The following CCDC125 variants were observed in gnomAD, a reference collection of about 807,000 sequenced individuals.
CCDC125 encodes coiled-coil domain containing 125.
CCDC125 carries 43 observed loss-of-function variants against 57.4 expected under a neutral mutation model. The ratio of observed to expected loss-of-function variants is 0.75; its 90% CI spans 0.59 to 0.97. The LOEUF is 0.97. Ranked by LOEUF, CCDC125 falls within the 50% of genes least tolerant of loss-of-function variation. The pLI is 0.00. For missense variants in CCDC125, 563 were observed against 595.7 expected (o/e 0.95, Z 0.57); for synonymous variants, 187 against 195.2 (o/e 0.96, Z 0.35).
chr5:69,282,804 G>T lies in CCDC125; in HGVS notation c.1461C>A (p.Ile487=), dbSNP rs1296541714. 6.2e-7 allele frequency: 1 copy of T among 1,613,652 alleles called. No homozygotes were observed. The highest frequency in any genetic ancestry group is 1.7e-5 in the Admixed American group (1 of 60,014). Residue 487 remains isoleucine (I), a synonymous_variant, in exon 12 of 12, where the codon ATC becomes ATA. Transcript: ENST00000396496. ...AGTTTGGATCTATTTGAGAGTGCTG[G>T]ATTGAACAAATGCAGCCCACAGAAT... The part of the protein sequence containing the change: ...ILNSVGCICS[I]QHSQIDPNYR...
In CCDC125 at chr5:69,315,989, TA is replaced by T. The variant is rs959227008; in HGVS notation, c.305-1944del. On this transcript the variant is annotated intron_variant, in intron 2 of 11. Coordinates refer to ENST00000396496, the MANE Select transcript of CCDC125 (RefSeq NM_176816.5). ...AAGTTATAAGCAAGAGTATAGGAAG[TA>T]AAAAAAAAATTTTATTGAGAAGAAT... Among the ~76,000 whole-genome samples the T allele has an allele frequency of 3.6e-4, 52 of 146,182 alleles. 1 individual carries two copies. In the East Asian group the frequency reaches 6.2e-3, roughly 17 times the overall value.
intron 8 of CCDC125, among the ~76,000 whole-genome samples, chr5:69,295,822 C>T (rs1755212736): frequency 6.6e-6 from 1 of 151,938 alleles, no homozygotes; most frequent in Non-Finnish European, 1.5e-5. Flanking sequence ...AAACATTGTC[C>T]ATACTTCCCT....
chr5:69,293,389 C>T (rs1028637392), intron 9 of CCDC125, among the ~76,000 whole-genome samples: 3 of 152,088 alleles, frequency 2.0e-5, no homozygotes, highest in Non-Finnish European at 4.4e-5. Context: ...CAGTGGCTCA[C>T]GCCTGTAATC....
chr5:69,283,509 C>T (rs532068301), intron 11 of CCDC125, among the ~76,000 whole-genome samples: 11 of 150,008 alleles, frequency 7.3e-5, no homozygotes, highest in Admixed American at 3.3e-4. Flanking sequence ...CGTGAGCCAC[C>T]GTGCCCGGCC....
chr5:69,318,943 CT>C (rs766942800), intron 2 of CCDC125, among the ~76,000 whole-genome samples: 1,686 of 142,706 alleles, frequency 0.012, 21 homozygotes, highest in African/African-American at 0.036. Flanking sequence ...GGTTTTTTTT[CT>C]TTTTTTTTTT....
rs1752655864 is a variant in CCDC125 at position 69,282,972 on chromosome 5, T to C, written c.1293A>G (p.Ala431=). Reference sequence around the variant, plus strand: ...TTGAAGCAGTGTCTTTGTCTTCCAATGCCCGAGCAAGCATGTAGCTAACTT... The same window carrying C: ...TTGAAGCAGTGTCTTTGTCTTCCAACGCCCGAGCAAGCATGTAGCTAACTT... ...QRKVSYMLAR[A]LEDKDTASNE... is the part of the protein sequence containing the mutation. The change falls in exon 12 of 12, where the codon GCA becomes GCG. Residue 431 remains alanine (A), a synonymous_variant. Transcript: ENST00000396496. The C allele has an allele frequency of 6.2e-7, 1 of 1,612,934 alleles. No individual in the cohort carries two copies. The highest frequency in any genetic ancestry group is 1.3e-5 in the African/African-American group (1 of 74,922).
rs368531261 is a variant in CCDC125, at chr5:69,310,534, G to T, written c.453+584C>A. 3.9e-4 allele frequency: 62 copies of T among 159,044 alleles called. No homozygotes were observed. The Middle Eastern group carries it at 0.015, about 38-fold the overall frequency. The allele number at this position is 159,044 out of a possible 1,614,324, so 9.9% of individuals were successfully genotyped here. A position where few individuals can be genotyped will look rare whatever the true frequency, so the allele number is the denominator to read the frequency against. ...CAATTAAACCTCTTTTTTTCCCCCA[G>T]TCTTGGGTATGTCTTTATCAGCAGC... On this transcript the variant is annotated intron_variant, in intron 4 of 11. Coordinates refer to ENST00000396496, the MANE Select transcript of CCDC125 (RefSeq NM_176816.5).
At position 69,292,321 on chromosome 5, in the gene CCDC125, C is replaced by T. The variant is rs777868952; in HGVS notation, c.966G>A (p.Met322Ile). The T allele has an allele frequency of 1.2e-6, 2 of 1,613,720 alleles. No individual in the cohort carries two copies. The highest frequency in any genetic ancestry group is 1.7e-6 in the Non-Finnish European group (2 of 1,179,922). Residue 322 changes from methionine to isoleucine, a missense_variant, in exon 10 of 12, where the codon ATG (methionine) becomes ATA (isoleucine). By Grantham distance (10) the Met-to-Ile change is conservative. Coordinates refer to ENST00000396496, the MANE Select transcript of CCDC125 (RefSeq NM_176816.5). Reference sequence around the variant, plus strand: ...CAAATGCAATTCTGAAAGCATCTGCCATCACGTAAGCTTCTTCTTTACTCT... The same window carrying T: ...CAAATGCAATTCTGAAAGCATCTGCTATCACGTAAGCTTCTTCTTTACTCT... ...LQKSKEEAYV[M>I]ADAFRIAFEQ...
chr5:69,300,130 A>G lies in CCDC125; in HGVS notation c.701-3T>C. On this transcript the variant is annotated splice_polypyrimidine_tract_variant and splice_region_variant and intron_variant, in intron 7 of 11. Transcript: ENST00000396496. ...CTCCAAATACCGTTGATTCAAAACT[A>G]GGAAGGGCCATATGAGAAAGTATTC... 1 of 1,604,284 alleles carries G rather than the reference A, an allele frequency of 6.2e-7. No individual in the cohort carries two copies. The highest frequency in any genetic ancestry group is 8.5e-7 in the Non-Finnish European group (1 of 1,171,050).
At chr5:69,322,568 A>T (rs2150625068) in intron 1 of CCDC125, among the ~76,000 whole-genome samples, 1 of 151,616 alleles carries the variant, frequency 6.6e-6, no homozygotes, top group South Asian at 2.1e-4. Flanking sequence ...TACAAAAAAA[A>T]AATTTTTTTT....
In CCDC125 at chr5:69,281,423, C is replaced by T. The variant is rs1485206307; in HGVS notation, c.*1306G>A. On this transcript the variant is annotated 3_prime_UTR_variant, in exon 12 of 12. Coordinates refer to ENST00000396496, the MANE Select transcript of CCDC125 (RefSeq NM_176816.5). ...TGGCTCAGGCAGCTTCTTCAGATTC[C>T]TGAGACCCCATTTCCTGGATCATCA... The T allele has an allele frequency of 6.6e-6, 1 of 152,186 alleles. No individual in the cohort carries two copies. The highest frequency in any genetic ancestry group is 1.5e-5 in the Non-Finnish European group (1 of 68,082). The allele number at this position is 152,186 out of a possible 1,614,324, so 9.4% of individuals were successfully genotyped here.
chr5:69,308,096 T>G (rs1757621843), intron 4 of CCDC125, 68 bp from the exon 5 acceptor site: 3 of 1,094,592 alleles, frequency 2.7e-6, no homozygotes, highest in Admixed American at 3.6e-5. Context: ...ATCATGAAGT[T>G]CTCTTTTATT....
chr5:69,326,759 C>T (rs1760780794), intron 1 of CCDC125, among the ~76,000 whole-genome samples: 2 of 152,062 alleles, frequency 1.3e-5, no homozygotes, highest in South Asian at 2.1e-4. Flanking sequence ...GTTTCTTAAA[C>T]TTAACTTCAG....
chr5:69,331,432 A>C (rs1761410110), intron 1 of CCDC125, among the ~76,000 whole-genome samples: 1 of 151,326 alleles, frequency 6.6e-6, no homozygotes, highest in Non-Finnish European at 1.5e-5. Context: ...GGGTTTCACC[A>C]TGTTGGCCAG....
intron 2 of CCDC125, among the ~76,000 whole-genome samples, chr5:69,317,398 G>C (rs533458011): frequency 6.6e-6 from 1 of 152,094 alleles, no homozygotes; most frequent in Non-Finnish European, 1.5e-5. Flanking sequence ...TACACAATAA[G>C]GAATTGGAAG....
At chr5:69,311,877 G>A (rs1758216202) in intron 3 of CCDC125, among the ~76,000 whole-genome samples, 3 of 152,016 alleles carry the variant, frequency 2.0e-5, no homozygotes, top group Non-Finnish European at 1.5e-5. Context: ...GGGATTGCAG[G>A]CATGTGCCAC....
chr5:69,320,404 T>C lies in CCDC125; in HGVS notation c.137A>G (p.His46Arg), dbSNP rs368303091. The C allele has an allele frequency of 6.2e-7, 1 of 1,614,190 alleles. No individual in the cohort carries two copies. Among genetic ancestry groups the C allele is most frequent in the East Asian group, 2.2e-5 (1 of 44,890 alleles). Residue 46 changes from histidine (H) to arginine (R), a missense_variant, in exon 2 of 12, where the codon CAT becomes CGT. Coordinates refer to ENST00000396496, the MANE Select transcript of CCDC125 (RefSeq NM_176816.5). Reference sequence around the variant, plus strand: ...TCCATCTGATCTTTTTCTAGACCTATGTGAAAATTCTATTTCATAAATCCC... The same window carrying C: ...TCCATCTGATCTTTTTCTAGACCTACGTGAAAATTCTATTTCATAAATCCC... ...PGGIYEIEFS[H>R]RSRKRSDGKN...
In CCDC125 at chr5:69,320,167, A is replaced by G. The variant is rs1049694642; in HGVS notation, c.304+70T>C. The G allele has an allele frequency of 2.3e-6, 3 of 1,314,640 alleles. No individual in the cohort carries two copies. In the Admixed American group the frequency reaches 6.7e-5, roughly 29 times the overall value. The allele number at this position is 1,314,640 out of a possible 1,614,324, so 81.4% of individuals were successfully genotyped here. A position where few individuals can be genotyped will look rare whatever the true frequency, so the allele number is the denominator to read the frequency against. On this transcript the variant is annotated intron_variant, in intron 2 of 11. Transcript: ENST00000396496. ...AATCCAATATGGTTATTTATTTTAG[A>G]TTTTGGAAGGGTTATAGCTTTGATA...
chr5:69,322,748 A>T (rs1760225192), intron 1 of CCDC125, among the ~76,000 whole-genome samples: 1 of 151,144 alleles, frequency 6.6e-6, no homozygotes, highest in South Asian at 2.1e-4. Context: ...TTTTTAGCAG[A>T]GACGGGGTTT....
Sources: allele counts gnomAD v4.1 joint callset (sites outside exome capture counted in the v4.1 genomes callset), GRCh38; gene constraint gnomAD v4.1.1; transcripts MANE v1.5; gene names NCBI Gene and HGNC (gene_info 2026-07-23, HGNC 2026-07-21).